The following PPM1H variants were observed in gnomAD, a reference collection of about 807,000 sequenced individuals.
PPM1H encodes protein phosphatase, Mg2+/Mn2+ dependent 1H.
In PPM1H, 27 loss-of-function variants were observed where a neutral mutation model predicts 54.9. That is an observed-to-expected ratio of 0.49 (90% CI 0.36 to 0.68). PPM1H has a LOEUF of 0.68. Among genes scored for constraint, PPM1H ranks in the 30% least tolerant of loss-of-function variants. PPM1H has a pLI of 0.00. For synonymous variants in PPM1H, 305 were observed against 270.8 expected, an observed-to-expected ratio of 1.13 and a Z score of -1.24; for missense variants, 596 against 667.8, an observed-to-expected ratio of 0.89 and a Z score of 1.19.
chr12:62,868,561 T>G (rs1869866091), intron 1 of PPM1H, among the ~76,000 whole-genome samples: 1 of 152,214 alleles, frequency 6.6e-6, no homozygotes, highest in Non-Finnish European at 1.5e-5. Flanking sequence ...ATTCACTGTT[T>G]CTGTAGCAAC....
chr12:62,810,341 G>A (rs2076827428), intron 2 of PPM1H, among the ~76,000 whole-genome samples: 1 of 152,090 alleles, frequency 6.6e-6, no homozygotes, highest in South Asian at 2.1e-4. Context: ...CAAATAAGGA[G>A]TCTGCATCTG....
At chr12:62,728,299 A>G (rs2076301179) in intron 5 of PPM1H, among the ~76,000 whole-genome samples, 1 of 152,144 alleles carries the variant, frequency 6.6e-6, no homozygotes, top group Non-Finnish European at 1.5e-5. Flanking sequence ...ACTTACAAAC[A>G]TGGTTATATC....
chr12:62,774,820 A>C (rs1394896719), intron 4 of PPM1H, among the ~76,000 whole-genome samples: 1 of 152,194 alleles, frequency 6.6e-6, no homozygotes, highest in Non-Finnish European at 1.5e-5. Flanking sequence ...GATGTTGCTA[A>C]GCGGATCACA....
chr12:62,742,157 T>C (rs2076384992), intron 4 of PPM1H, among the ~76,000 whole-genome samples: 2 of 152,340 alleles, frequency 1.3e-5, no homozygotes, highest in South Asian at 4.1e-4. Flanking sequence ...CAATGAGGTA[T>C]CTGCGTTCCA....
At chr12:62,682,860 C>T (rs868236401) in intron 8 of PPM1H, among the ~76,000 whole-genome samples, 3 of 150,360 alleles carry the variant, frequency 2.0e-5, no homozygotes, top group African/African-American at 2.5e-5. Flanking sequence ...CTTTCTCTGT[C>T]GCCCAGGCTG....
chr12:62,755,346 CT>C, intron 4 of PPM1H: 1 of 1,113,712 alleles, frequency 9.0e-7, no homozygotes, highest in Non-Finnish European at 1.3e-6. Flanking sequence ...TTGACCTCAA[CT>C]ACATGGTCTG....
At chr12:62,831,697 T>TTGTGTGTGTGTGTGTG (rs1225248619) in intron 2 of PPM1H, among the ~76,000 whole-genome samples, 19 of 149,470 alleles carry the variant, frequency 1.3e-4, no homozygotes, top group African/African-American at 2.5e-4. Context: ...CCGTCAAACA[T>TTGTGTGTGTGTGTGTG]TGTGTGTGTA....
chr12:62,801,683 T>G (rs562339500), intron 3 of PPM1H, 133 bp downstream of exon 3: 1 of 951,216 alleles, frequency 1.1e-6, no homozygotes, highest in South Asian at 1.7e-5. Flanking sequence ...GAAGCCCCAT[T>G]ATCACAGGGG....
At chr12:62,832,562 G>A (rs934019865) in intron 1 of PPM1H, among the ~76,000 whole-genome samples, 8 of 152,140 alleles carry the variant, frequency 5.3e-5, no homozygotes, top group African/African-American at 1.9e-4. Flanking sequence ...ATCCATTTTA[G>A]TCAAAACACA....
In PPM1H at chr12:62,667,251, CG is replaced by C; in HGVS notation, c.1323del (p.Asp441GlufsTer8). On this transcript the variant is annotated frameshift_variant, in exon 9 of 10. Transcript: ENST00000228705. LOFTEE classifies it high-confidence loss of function. ...TCTGCTACTTCTTCATTTGATAAAACGTCCCAGAGTCCATCAGTGGCCAAGA... is the reference window on the plus strand; with the variant it reads ...TCTGCTACTTCTTCATTTGATAAAACTCCCAGAGTCCATCAGTGGCCAAGA... ...VLILATDGLW[D>X]VLSNEEVAEA... 1.3e-6 allele frequency: 2 copies of C among 1,599,810 alleles called. No homozygotes were observed. The highest frequency in any genetic ancestry group is 1.7e-6 in the Non-Finnish European group (2 of 1,167,266).
chr12:62,786,389 G>A (rs906815656), intron 4 of PPM1H, among the ~76,000 whole-genome samples: 2 of 152,244 alleles, frequency 1.3e-5, no homozygotes, highest in Non-Finnish European at 2.9e-5. Context: ...CCCCATCCTG[G>A]AGGTACGGCC....
intron 1 of PPM1H, among the ~76,000 whole-genome samples, chr12:62,905,673 T>C (rs566356822): frequency 6.6e-6 from 1 of 151,878 alleles, no homozygotes; most frequent in African/African-American, 2.4e-5. Flanking sequence ...TAAGACAGAG[T>C]AGACCAATAA....
intron 1 of PPM1H, among the ~76,000 whole-genome samples, chr12:62,861,324 C>T (rs532956051): frequency 2.0e-5 from 3 of 152,274 alleles, no homozygotes; most frequent in African/African-American, 7.2e-5. Context: ...TTAGGAAGCA[C>T]TAAAATTAAA....
At chr12:62,885,061 C>T (rs116672257) in intron 1 of PPM1H, among the ~76,000 whole-genome samples, 24 of 151,998 alleles carry the variant, frequency 1.6e-4, no homozygotes, top group East Asian at 3.9e-4. Context: ...TACATGGTGG[C>T]GACAAAAGAA....
intron 4 of PPM1H, among the ~76,000 whole-genome samples, chr12:62,738,729 A>C (rs928445853): frequency 6.6e-6 from 1 of 152,000 alleles, no homozygotes; most frequent in Non-Finnish European, 1.5e-5. Context: ...GAGACCTGAC[A>C]TGCTTCTCAG....
chr12:62,663,918 C>G (rs997436877), intron 9 of PPM1H, among the ~76,000 whole-genome samples: 24 of 151,378 alleles, frequency 1.6e-4, no homozygotes, highest in Non-Finnish European at 2.2e-4. Flanking sequence ...TTGAACCTGG[C>G]AGGCGGAGGT....
chr12:62,788,116 G>T, intron 4 of PPM1H, 110 bp downstream of exon 4: 2 of 752,752 alleles, frequency 2.7e-6, no homozygotes, highest in Non-Finnish European at 4.4e-6. Flanking sequence ...TTTTCATTCT[G>T]ATGTAGAAGG....
At chr12:62,664,744 T>G (rs1383553223) in intron 9 of PPM1H, among the ~76,000 whole-genome samples, 1 of 152,234 alleles carries the variant, frequency 6.6e-6, no homozygotes, top group Admixed American at 6.5e-5. Context: ...TGGGATCATT[T>G]CCTTTTCTTA....
chr12:62,746,022 G>GT (rs796789408), intron 4 of PPM1H, among the ~76,000 whole-genome samples: 4 of 151,976 alleles, frequency 2.6e-5, no homozygotes, highest in African/African-American at 9.6e-5. Context: ...TGAGACCCTC[G>GT]TCTCTACAAA....
Sources: gnomAD v4.1 joint callset for allele counts (sites outside exome capture counted in the v4.1 genomes callset) on GRCh38, gnomAD v4.1.1 for gene constraint, MANE v1.5 for transcripts, NCBI Gene and HGNC (gene_info 2026-07-23, HGNC 2026-07-21) for gene names.